OXCT1: variants seen among roughly 807,000 people sequenced by gnomAD.
The protein encoded by OXCT1 is succinyl-CoA:3-ketoacid coenzyme A transferase 1, mitochondrial.
In OXCT1, 27 loss-of-function variants were observed where a neutral mutation model predicts 69.6. The observed-to-expected ratio is 0.39, with a 90% CI of 0.29 to 0.54. OXCT1 has a LOEUF of 0.54. OXCT1 is among the 20% of genes least tolerant of loss of function. The pLI is 0.72. For synonymous variants in OXCT1, 202 were observed against 217.8 expected (o/e 0.93, Z 0.64); for missense variants, 437 against 650.2 (o/e 0.67, Z 3.57).
At chr5:41,754,854 G>A (rs546062105) in intron 14 of OXCT1, among the ~76,000 whole-genome samples, 1 of 152,034 alleles carries the variant, frequency 6.6e-6, no homozygotes, top group African/African-American at 2.4e-5. Context: ...TCAAGGGGAA[G>A]ACTAGCCAAA....
chr5:41,760,646 T>C (rs1044615350), intron 14 of OXCT1, among the ~76,000 whole-genome samples: 3 of 152,232 alleles, frequency 2.0e-5, no homozygotes, highest in Admixed American at 6.5e-5. Flanking sequence ...AAAAAGAAAG[T>C]CTGAAAGAGT....
At chr5:41,819,685 A>C (rs1657005552) in intron 7 of OXCT1, among the ~76,000 whole-genome samples, 1 of 150,588 alleles carries the variant, frequency 6.6e-6, no homozygotes, top group South Asian at 2.1e-4. Context: ...TTTTAAACAC[A>C]ATCTATGTCC....
At chr5:41,833,130 A>T (rs1439977021) in intron 7 of OXCT1, among the ~76,000 whole-genome samples, 1 of 152,236 alleles carries the variant, frequency 6.6e-6, no homozygotes, top group East Asian at 1.9e-4. Context: ...CTAGAGAAAG[A>T]TAAACATTCA....
intron 3 of OXCT1, among the ~76,000 whole-genome samples, chr5:41,855,020 C>T (rs551360690): frequency 6.6e-6 from 1 of 152,188 alleles, no homozygotes; most frequent in South Asian, 2.1e-4. Context: ...AAAATTGGAG[C>T]CTCCCAAATG....
At chr5:41,744,901 A>C (rs1743388027) in intron 15 of OXCT1, among the ~76,000 whole-genome samples, 1 of 152,036 alleles carries the variant, frequency 6.6e-6, no homozygotes, top group African/African-American at 2.4e-5. Context: ...CACCCAATAC[A>C]GGAGCACCCA....
At chr5:41,753,292 GACACACACACACACATAGACACAC>G (rs1300075080) in intron 14 of OXCT1, among the ~76,000 whole-genome samples, 3 of 133,408 alleles carry the variant, frequency 2.2e-5, no homozygotes, top group African/African-American at 8.9e-5. Context: ...CACACACATA[GACACACACACACACATAGACACAC>G]ACACACACAC....
chr5:41,772,542 C>T (rs577738762), intron 13 of OXCT1, among the ~76,000 whole-genome samples: 12 of 151,926 alleles, frequency 7.9e-5, no homozygotes, highest in Non-Finnish European at 7.4e-5. Flanking sequence ...AATGTACGTG[C>T]CCTATTAAGC....
At chr5:41,859,176 G>C (rs1749602364) in intron 3 of OXCT1, among the ~76,000 whole-genome samples, 1 of 152,144 alleles carries the variant, frequency 6.6e-6, no homozygotes, top group South Asian at 2.1e-4. Flanking sequence ...ATAGATTGCT[G>C]CAGTCTTTGC....
intron 7 of OXCT1, among the ~76,000 whole-genome samples, chr5:41,839,832 A>T (rs148606340): frequency 0.013 from 2,029 of 152,324 alleles, 19 homozygotes; most frequent in Non-Finnish European, 0.021. Flanking sequence ...TGATCCTCAA[A>T]GCCTCAAGTT....
chr5:41,835,591 C>A (rs1051557689), intron 7 of OXCT1, among the ~76,000 whole-genome samples: 2 of 152,180 alleles, frequency 1.3e-5, no homozygotes, highest in Non-Finnish European at 2.9e-5. Flanking sequence ...CTAAGCAATT[C>A]TTTTACAGGC....
chr5:41,804,707 GT>G (rs2112269723), intron 9 of OXCT1, among the ~76,000 whole-genome samples: 1 of 152,030 alleles, frequency 6.6e-6, no homozygotes, highest in South Asian at 2.1e-4. Context: ...CAAAAATGAG[GT>G]AGAGGTAAAA....
chr5:41,819,460 TC>T (rs1252894902), intron 7 of OXCT1, among the ~76,000 whole-genome samples: 3 of 151,988 alleles, frequency 2.0e-5, no homozygotes, highest in Non-Finnish European at 2.9e-5. Flanking sequence ...AACCTCCGCC[TC>T]CCGGGTTCAA....
At chr5:41,849,356 G>T (rs1237211073) in intron 5 of OXCT1, among the ~76,000 whole-genome samples, 2 of 152,168 alleles carry the variant, frequency 1.3e-5, no homozygotes, top group Non-Finnish European at 2.9e-5. Flanking sequence ...AAAATGGAAA[G>T]ATACTAAAAA....
intron 5 of OXCT1, among the ~76,000 whole-genome samples, chr5:41,849,490 C>T (rs779900758): frequency 1.4e-4 from 21 of 152,182 alleles, no homozygotes; most frequent in Non-Finnish European, 2.8e-4. Context: ...CCCCATCCTA[C>T]TCAGCATTTT....
Position 41,796,521 on chromosome 5 carries a change from T to G in OXCT1, c.1100-1772A>C, listed in dbSNP as rs975024980. ...ACAGTTATATCCTCAGATTCTCAAGTCTTTCCCGAAAGCTAACTTTTCCAT... is the reference window on the plus strand; with the variant it reads ...ACAGTTATATCCTCAGATTCTCAAGGCTTTCCCGAAAGCTAACTTTTCCAT... On this transcript the variant is annotated intron_variant, in intron 11 of 16. Coordinates refer to ENST00000196371, the MANE Select transcript of OXCT1 (RefSeq NM_000436.4). Among the ~76,000 whole-genome samples, 5 of 152,188 alleles carry G rather than the reference T, an allele frequency of 3.3e-5. 1 individual carries two copies. In the South Asian group the frequency reaches 1.0e-3, roughly 32 times the overall value.
intron 15 of OXCT1, among the ~76,000 whole-genome samples, chr5:41,746,344 T>A (rs140332241): frequency 1.8e-4 from 27 of 152,064 alleles, no homozygotes; most frequent in African/African-American, 6.5e-4. Context: ...GAAATCAGGG[T>A]CATAGCATCC....
intron 7 of OXCT1, among the ~76,000 whole-genome samples, chr5:41,825,595 G>A (rs1198477307): frequency 6.6e-6 from 1 of 152,216 alleles, no homozygotes; most frequent in African/African-American, 2.4e-5. Flanking sequence ...TGTTCAGGGA[G>A]TTGTATGCCC....
At chr5:41,745,386 G>GTAT (rs1743419173) in intron 15 of OXCT1, among the ~76,000 whole-genome samples, 2 of 151,998 alleles carry the variant, frequency 1.3e-5, no homozygotes, top group African/African-American at 4.8e-5. Context: ...AGAATCTCTG[G>GTAT]GACACATTCA....
intron 7 of OXCT1, among the ~76,000 whole-genome samples, chr5:41,831,425 G>GGAAATA (rs999859030): frequency 6.6e-6 from 1 of 152,024 alleles, no homozygotes. Flanking sequence ...GAAATATCAG[G>GGAAATA]TCCCTTTTCA....
Sources: allele counts gnomAD v4.1 joint callset (sites outside exome capture counted in the v4.1 genomes callset), GRCh38; gene constraint gnomAD v4.1.1; transcripts MANE v1.5; gene names NCBI Gene and HGNC (gene_info 2026-07-23, HGNC 2026-07-21).